NUDC: variants seen among roughly 807,000 people sequenced by gnomAD.
The protein encoded by NUDC is nuclear distribution C, dynein complex regulator.
A neutral mutation model predicts 45.0 loss-of-function variants in NUDC; 14 were observed. The observed-to-expected ratio is 0.31, with a 90% confidence interval of 0.21 to 0.49. The LOEUF (loss-of-function observed/expected upper bound fraction) is 0.49, where lower values mean the gene tolerates loss of function less well. Among genes scored for constraint, NUDC ranks in the 20% least tolerant of loss-of-function variants. NUDC has a pLI of 0.99. For synonymous variants in NUDC, 153 were observed against 156.7 expected, an observed-to-expected ratio of 0.98 and a Z score of 0.17; for missense variants, 323 against 426.2, an observed-to-expected ratio of 0.76 and a Z score of 2.13.
At chr1:26,922,227 A>G in intron 1 of NUDC, 1 of 508,178 alleles carries the variant, frequency 2.0e-6, no homozygotes, top group South Asian at 2.1e-5. Context: ...GGCGGCTTCC[A>G]AGGAGCATCC....
upstream of NUDC, among the ~76,000 whole-genome samples, chr1:26,918,974 C>G (rs746099880): frequency 6.6e-5 from 10 of 151,946 alleles, no homozygotes; most frequent in Non-Finnish European, 1.2e-4. Context: ...GATGGTGTTT[C>G]ACCATGTTGG....
intron 6 of NUDC, among the ~76,000 whole-genome samples, chr1:26,944,919 A>G (rs2082306638): frequency 1.3e-5 from 2 of 151,958 alleles, no homozygotes; most frequent in African/African-American, 2.4e-5. Flanking sequence ...GTGCATGCCT[A>G]TAATCCCAGT....
chr1:26,935,383 G>A (rs2082220731), intron 2 of NUDC, among the ~76,000 whole-genome samples: 1 of 152,168 alleles, frequency 6.6e-6, no homozygotes, highest in African/African-American at 2.4e-5. Context: ...GGCCAGGAAA[G>A]AGGTTTAATT....
At chr1:26,905,380 C>G (rs1464781690) in intron 2 of NUDC, among the ~76,000 whole-genome samples, 6 of 151,500 alleles carry the variant, frequency 4.0e-5, no homozygotes, top group Non-Finnish European at 7.4e-5. Flanking sequence ...AGGCTGGTCT[C>G]GAACTCCAGA....
rs2082289031 is a variant in NUDC at position 26,942,794 on chromosome 1, G to A, written c.546+18G>A. ...AGCTGGACGTGAGTGTCAGGGACCA[G>A]AGGTAAAGCTTAGGGGGCCAGCCTG... On this transcript the variant is annotated intron_variant, in intron 5 of 8. Coordinates refer to ENST00000321265, the MANE Select transcript of NUDC (RefSeq NM_006600.4). 1.9e-6 allele frequency: 3 copies of A among 1,614,106 alleles called. No individual in the cohort carries two copies. Among genetic ancestry groups the A allele is most frequent in the Admixed American group, 1.7e-5 (1 of 60,006 alleles).
At chr1:26,918,098 G>A (rs2082070685), upstream of NUDC, among the ~76,000 whole-genome samples, 1 of 151,344 alleles carries the variant, frequency 6.6e-6, no homozygotes, top group African/African-American at 2.4e-5. Context: ...GTTCATTCTA[G>A]TTTTTGCCCC....
chr1:26,923,447 CCTT>C (rs1387982985), intron 1 of NUDC, among the ~76,000 whole-genome samples: 1 of 152,180 alleles, frequency 6.6e-6, no homozygotes. Context: ...TTGCTCTCCT[CCTT>C]CTTGCTTTGA....
Position 26,913,491 on chromosome 1 carries a change from T to C in NUDC, c.93+2256T>C, listed in dbSNP as rs139159423. 5.6e-5 allele frequency: 90 copies of C among 1,613,724 alleles called. No individual in the cohort carries two copies. The highest frequency in any genetic ancestry group is 6.9e-5 in the Non-Finnish European group (81 of 1,179,832). Reference sequence around the variant, plus strand: ...GGCTCCAGAAGGACTCCAGACAGCATTGAAGCCACTGCACCGCAGCCAGGG... The same window carrying C: ...GGCTCCAGAAGGACTCCAGACAGCACTGAAGCCACTGCACCGCAGCCAGGG... On this transcript the variant is annotated intron_variant, in intron 3 of 6. Transcript: ENST00000435827.
At chr1:26,913,938 C>A in intron 3 of NUDC, 2 of 1,474,146 alleles carry the variant, frequency 1.4e-6, no homozygotes, top group Non-Finnish European at 1.8e-6. Flanking sequence ...GGCTGGTGCT[C>A]ATGGTTAGGG....
At chr1:26,912,615 T>G (rs2082035301) in intron 3 of NUDC, among the ~76,000 whole-genome samples, 1 of 152,156 alleles carries the variant, frequency 6.6e-6, no homozygotes, top group Admixed American at 6.5e-5. Context: ...GCTCTCCAGA[T>G]TACAAACAGC....
intron 1 of NUDC, chr1:26,900,438 G>A: frequency 6.2e-7 from 1 of 1,607,882 alleles, no homozygotes; most frequent in Non-Finnish European, 8.5e-7. Context: ...GCCGGGCACC[G>A]CCATCTTGGA....
In NUDC at chr1:26,946,120, G is replaced by A. The variant is rs2082316079; in HGVS notation, c.945-10G>A. ...GGATGAGCTGTTTCATCTTGCTTCC[G>A]TTTCTCCAGGTTCATGGATCAACAT... On this transcript the variant is annotated splice_polypyrimidine_tract_variant and intron_variant, in intron 8 of 8. Transcript: ENST00000321265. 3.1e-6 allele frequency: 5 copies of A among 1,612,666 alleles called. No homozygotes were observed. Among genetic ancestry groups the A allele is most frequent in the Admixed American group, 1.7e-5 (1 of 59,972 alleles).
At chr1:26,936,167 T>TATA (rs1557678406) in intron 2 of NUDC, among the ~76,000 whole-genome samples, 29 of 3,002 alleles carry the variant, frequency 9.7e-3, no homozygotes, top group Non-Finnish European at 0.012. Context: ...ATATATATAT[T>TATA]TTTTTTTTTT....
chr1:26,929,175 T>C (rs1304842247), intron 2 of NUDC, among the ~76,000 whole-genome samples: 2 of 152,236 alleles, frequency 1.3e-5, no homozygotes, highest in Non-Finnish European at 2.9e-5. Flanking sequence ...ACAAATACAG[T>C]TGATCCTTTG....
At position 26,942,993 on chromosome 1, in the gene NUDC, C is replaced by T. The variant is rs2082291586; in HGVS notation, c.669C>T (p.Tyr223=). 6.2e-7 allele frequency: 1 copy of T among 1,614,008 alleles called. No homozygotes were observed. Among genetic ancestry groups the T allele is most frequent in the South Asian group, 1.1e-5 (1 of 91,076 alleles). The part of the protein sequence containing the change: ...GQPAIIDGEL[Y]NEVKVEESSW... Reference sequence around the variant, plus strand: ...CAGCGATCATTGATGGGGAGCTCTACAATGAAGTGAAGGTGGAGGAGAGCT... The same window carrying T: ...CAGCGATCATTGATGGGGAGCTCTATAATGAAGTGAAGGTGGAGGAGAGCT... The change falls in exon 6 of 9, where the codon TAC becomes TAT. Residue 223 remains tyrosine (Y), a synonymous_variant. Coordinates refer to ENST00000321265, the MANE Select transcript of NUDC (RefSeq NM_006600.4).
chr1:26,943,759 G>C (rs1164570747), intron 6 of NUDC, among the ~76,000 whole-genome samples: 3 of 152,246 alleles, frequency 2.0e-5, no homozygotes, highest in East Asian at 3.9e-4. Flanking sequence ...CCTTTACAGA[G>C]AGGTAGGACA....
At chr1:26,914,034 G>T in intron 3 of NUDC, 2 of 1,054,582 alleles carry the variant, frequency 1.9e-6, no homozygotes, top group Non-Finnish European at 1.2e-6. Context: ...GGGGGGAATG[G>T]CCCAACAACC....
At chr1:26,904,754 A>G (rs536334714) in intron 2 of NUDC, among the ~76,000 whole-genome samples, 2 of 151,876 alleles carry the variant, frequency 1.3e-5, no homozygotes, top group South Asian at 4.2e-4. Context: ...ATCACCTCCA[A>G]CCCCCCTTAG....
At chr1:26,942,422 G>A (rs2082285015) in intron 4 of NUDC, among the ~76,000 whole-genome samples, 1 of 152,190 alleles carries the variant, frequency 6.6e-6, no homozygotes, top group Admixed American at 6.5e-5. Context: ...CATATCCTTT[G>A]TCACATGGTA....
Sources: allele counts gnomAD v4.1 joint callset (sites outside exome capture counted in the v4.1 genomes callset), GRCh38; gene constraint gnomAD v4.1.1; transcripts MANE v1.5; gene names NCBI Gene and HGNC (gene_info 2026-07-23, HGNC 2026-07-21).